UBE3A: variants seen among roughly 807,000 people sequenced by gnomAD.
UBE3A encodes the protein ubiquitin-protein ligase E3A.
UBE3A carries 6 observed loss-of-function variants against 83.4 expected under a neutral mutation model. The observed-to-expected ratio is 0.07, with a 90% confidence interval of 0.04 to 0.14. The LOEUF is 0.14. Ranked by LOEUF, UBE3A falls within the 10% of genes least tolerant of loss-of-function variation. The pLI is 1.00. For synonymous variants in UBE3A, 337 were observed against 355.4 expected (o/e 0.95, Z 0.58); for missense variants, 456 against 1,036.1 (o/e 0.44, Z 7.69).
chr15:25,438,905 G>A lies in UBE3A; in HGVS notation c.-581C>T, dbSNP rs916685621. 1.3e-5 allele frequency: 2 copies of A among 152,722 alleles called. No individual in the cohort carries two copies. The highest frequency in any genetic ancestry group is 2.9e-5 in the Non-Finnish European group (2 of 68,490). 9.5% of individuals were successfully genotyped at this position (152,722 alleles called of 1,614,324 possible). A position where few individuals can be genotyped will look rare whatever the true frequency, so the allele number is the denominator to read the frequency against. On this transcript the variant is annotated 5_prime_UTR_variant, in exon 1 of 13. Transcript: ENST00000648336. ...AGGGGTGCGCGAGCGAGCGAAGCCT[G>A]GTGTGTCGGGTCCTGGCGAAGGGAA...
intron 7 of UBE3A, among the ~76,000 whole-genome samples, chr15:25,358,049 T>C (rs1048133940): frequency 1.3e-5 from 2 of 151,898 alleles, no homozygotes; most frequent in East Asian, 1.9e-4. Flanking sequence ...TACAGGCGCC[T>C]GCGTGGAGGC....
intron 11 of UBE3A, among the ~76,000 whole-genome samples, chr15:25,342,142 T>C (rs2074949439): frequency 1.3e-5 from 2 of 151,994 alleles, no homozygotes; most frequent in Non-Finnish European, 2.9e-5. Flanking sequence ...ATGATACTCC[T>C]TTTGGGGAGG....
rs199950859 is a variant in UBE3A at position 25,430,027 on chromosome 15, C to CTATATATATATA, written c.-165+8450_-165+8461dup. 7.3e-4 allele frequency among the ~76,000 whole-genome samples: 48 copies of CTATATATATATA among 66,170 alleles called. 9 individuals carry two copies. The highest frequency in any genetic ancestry group is 5.6e-3 in the African/African-American group (46 of 8,200). 43.4% of individuals were successfully genotyped at this position (66,170 alleles called of 152,430 possible). A position where few individuals can be genotyped will look rare whatever the true frequency, so the allele number is the denominator to read the frequency against. ...CTCAGGAGGAAAAACAAAAAAAAAC[C>CTATATATATATA]TATATATATATATATATATATATTT... On this transcript the variant is annotated intron_variant, in intron 1 of 12. Transcript: ENST00000648336.
chr15:25,421,152 T>G (rs1009635861), intron 1 of UBE3A, among the ~76,000 whole-genome samples: 2 of 152,176 alleles, frequency 1.3e-5, no homozygotes, highest in African/African-American at 2.4e-5. Context: ...GTGCTCTCCT[T>G]GGGATACAGA....
intron 6 of UBE3A, among the ~76,000 whole-genome samples, 189 bp from the exon 7 acceptor site, chr15:25,360,716 GACAGACACAAA>G (rs1595659718): frequency 1.3e-5 from 2 of 152,260 alleles, no homozygotes; most frequent in East Asian, 3.9e-4. Context: ...TAATCAAAAA[GACAGACACAAA>G]ACAGACACTA....
chr15:25,379,523 T>C (rs1460664092), intron 4 of UBE3A, among the ~76,000 whole-genome samples: 1 of 152,192 alleles, frequency 6.6e-6, no homozygotes, highest in Non-Finnish European at 1.5e-5. Flanking sequence ...TCCAAGTTAA[T>C]GGTGGAATCA....
chr15:25,406,030 G>T (rs554958416), intron 3 of UBE3A, among the ~76,000 whole-genome samples: 4 of 152,214 alleles, frequency 2.6e-5, no homozygotes, highest in Non-Finnish European at 5.9e-5. Context: ...ATCTATGGCT[G>T]CTTTCACACT....
In UBE3A at chr15:25,438,710, A is replaced by G. The variant is rs1472120419; in HGVS notation, c.-386T>C. The G allele has an allele frequency of 6.6e-6, 1 of 152,322 alleles. No individual in the cohort carries two copies. The highest frequency in any genetic ancestry group is 1.5e-5 in the Non-Finnish European group (1 of 68,204). 9.4% of individuals were successfully genotyped at this position (152,322 alleles called of 1,614,324 possible). ...TCGCCAGCCGCCGCTGCCTGTCCAC[A>G]CCGGGGGGCTGAGGGGCCCTCCTGC... On this transcript the variant is annotated 5_prime_UTR_variant, in exon 1 of 13. Coordinates refer to ENST00000648336, the MANE Select transcript of UBE3A (RefSeq NM_130839.5).
intron 4 of UBE3A, 117 bp downstream of exon 4, chr15:25,405,344 A>G: frequency 8.2e-7 from 1 of 1,214,468 alleles, no homozygotes; most frequent in East Asian, 2.3e-5. Context: ...TCTCCCATTT[A>G]CTGCTAAATG....
intron 1 of UBE3A, among the ~76,000 whole-genome samples, chr15:25,433,683 A>G (rs1334894389): frequency 1.3e-5 from 2 of 152,166 alleles, no homozygotes; most frequent in East Asian, 3.9e-4. Flanking sequence ...CATTTCAATG[A>G]CTCTGATGCA....
At chr15:25,385,699 C>G (rs2082997517) in intron 4 of UBE3A, among the ~76,000 whole-genome samples, 1 of 152,032 alleles carries the variant, frequency 6.6e-6, no homozygotes, top group Non-Finnish European at 1.5e-5. Context: ...CCTGTGAGAG[C>G]AGAGAACAGG....
chr15:25,436,539 A>C (rs1038833827), intron 1 of UBE3A, among the ~76,000 whole-genome samples: 13 of 152,152 alleles, frequency 8.5e-5, no homozygotes, highest in Admixed American at 8.5e-4. Context: ...TTACACAGTA[A>C]ATTTTTTTGG....
chr15:25,370,168 A>G lies in UBE3A; in HGVS notation c.1608+398T>C, dbSNP rs921805920. 8.5e-5 allele frequency among the ~76,000 whole-genome samples: 13 copies of G among 152,124 alleles called. No individual in the cohort carries two copies. The highest frequency in any genetic ancestry group is 6.6e-4 in the Admixed American group (10 of 15,260). ...ATGGAATTTTTTGGACACTACCTAT[A>G]ATTTTATGGTATGGTTTTACTGTAC... On this transcript the variant is annotated intron_variant, in intron 6 of 12. Transcript: ENST00000648336. The surrounding 1 kb of genome is among the most constrained non-coding windows in gnomAD (Gnocchi z 4.2).
intron 4 of UBE3A, among the ~76,000 whole-genome samples, chr15:25,381,959 G>GA: frequency 6.6e-6 from 1 of 152,248 alleles, no homozygotes; most frequent in Non-Finnish European, 1.5e-5. Context: ...CGATTTTCAT[G>GA]AAAAAATAAA....
chr15:25,408,300 T>C (rs1174226665), intron 3 of UBE3A: 2 of 400,212 alleles, frequency 5.0e-6, no homozygotes, highest in Non-Finnish European at 9.2e-6. Context: ...AGTCTACTTA[T>C]TCTTTTACTG....
chr15:25,349,498 C>T (rs1333499115), intron 11 of UBE3A, among the ~76,000 whole-genome samples: 1 of 151,974 alleles, frequency 6.6e-6, no homozygotes, highest in Non-Finnish European at 1.5e-5. Context: ...AGAAATGGGC[C>T]TTTTATATAG....
chr15:25,343,579 T>A (rs1442239902), intron 11 of UBE3A, among the ~76,000 whole-genome samples: 1 of 151,774 alleles, frequency 6.6e-6, no homozygotes, highest in African/African-American at 2.4e-5. Flanking sequence ...AGAAAATGAA[T>A]AAAATAAACA....
chr15:25,432,759 G>A (rs1174852466), intron 1 of UBE3A, among the ~76,000 whole-genome samples: 1 of 152,180 alleles, frequency 6.6e-6, no homozygotes, highest in Non-Finnish European at 1.5e-5. Context: ...ACAGTTTTAA[G>A]AAAAATTTTA....
intron 7 of UBE3A, 87 bp downstream of exon 7, chr15:25,360,296 T>G: frequency 6.4e-7 from 1 of 1,572,264 alleles, no homozygotes; most frequent in Non-Finnish European, 8.7e-7. Flanking sequence ...CTGCTCTTCA[T>G]AGCTGAAAAT....
Sources: allele counts gnomAD v4.1 joint callset (sites outside exome capture counted in the v4.1 genomes callset), GRCh38; gene constraint gnomAD v4.1.1; non-coding constraint Gnocchi (gnomAD v3.1); transcripts MANE v1.5; gene names NCBI Gene and HGNC (gene_info 2026-07-23, HGNC 2026-07-21).